L3MBTL4: variants seen among roughly 807,000 people sequenced by gnomAD.
L3MBTL4 encodes lethal(3)malignant brain tumor-like protein 4.
A neutral mutation model predicts 84.5 loss-of-function variants in L3MBTL4; 70 were observed. The ratio of observed to expected loss-of-function variants is 0.83; its 90% CI spans 0.68 to 1.01. L3MBTL4 has a LOEUF of 1.01. Ranked by LOEUF, L3MBTL4 falls within the 50% of genes least tolerant of loss-of-function variation. The pLI is 0.00. For synonymous variants in L3MBTL4, 274 were observed against 259.8 expected, an observed-to-expected ratio of 1.05 and a Z score of -0.52; for missense variants, 715 against 754.8, an observed-to-expected ratio of 0.95 and a Z score of 0.62.
intron 13 of L3MBTL4, among the ~76,000 whole-genome samples, chr18:6,153,700 AG>A (rs1334972001): frequency 3.3e-5 from 5 of 152,156 alleles, no homozygotes; most frequent in Admixed American, 1.3e-4. Context: ...TTGGATCATA[AG>A]GGTGGTTTTC....
At chr18:6,038,520 C>T (rs995275381) in intron 16 of L3MBTL4, among the ~76,000 whole-genome samples, 3 of 152,090 alleles carry the variant, frequency 2.0e-5, no homozygotes, top group Non-Finnish European at 2.9e-5. Context: ...TCCCAAAGTG[C>T]TGGGATTACA....
intron 17 of L3MBTL4, among the ~76,000 whole-genome samples, chr18:5,962,796 C>A (rs2095269974): frequency 6.6e-6 from 1 of 152,158 alleles, no homozygotes; most frequent in Admixed American, 6.5e-5. Flanking sequence ...CAAAGATGAG[C>A]GCAGGAAAAT....
chr18:6,252,341 C>A (rs1273389001), intron 5 of L3MBTL4, among the ~76,000 whole-genome samples: 1 of 152,160 alleles, frequency 6.6e-6, no homozygotes, highest in African/African-American at 2.4e-5. Context: ...AGACACATCA[C>A]TGCATCTGCC....
chr18:6,204,560 A>G (rs1163678641), intron 12 of L3MBTL4, among the ~76,000 whole-genome samples: 1 of 152,276 alleles, frequency 6.6e-6, no homozygotes, highest in East Asian at 1.9e-4. Flanking sequence ...ATAGATACAC[A>G]TTAAAACAAA....
intron 12 of L3MBTL4, among the ~76,000 whole-genome samples, chr18:6,211,929 G>A (rs1346367009): frequency 1.3e-5 from 2 of 152,186 alleles, no homozygotes; most frequent in Non-Finnish European, 2.9e-5. Context: ...GATTGCAGGC[G>A]TGAACCACTG....
At chr18:6,145,614 G>A (rs1179581103) in intron 13 of L3MBTL4, among the ~76,000 whole-genome samples, 1 of 150,636 alleles carries the variant, frequency 6.6e-6, no homozygotes, top group Non-Finnish European at 1.5e-5. Flanking sequence ...ATAGAGAAAT[G>A]ACATTAGCAT....
chr18:6,119,446 T>C lies in L3MBTL4; in HGVS notation c.1199+18748A>G, dbSNP rs186392944. Among the ~76,000 whole-genome samples the C allele has an allele frequency of 4.6e-5, 7 of 152,294 alleles. No individual in the cohort carries two copies. The South Asian group carries it at 6.2e-4, about 14-fold the overall frequency. On this transcript the variant is annotated intron_variant, in intron 14 of 18. Coordinates refer to ENST00000317931, the MANE Select transcript of L3MBTL4 (RefSeq NM_001330559.2). ...GTTTTTAATCCTTTTCAAAAAGTCT[T>C]TTTTAGTGTTTGTGAATTAGCAGCA... is the stretch of plus-strand genomic sequence containing the variant.
chr18:6,186,002 ATATTTTATTT>A (rs543531502), intron 12 of L3MBTL4, among the ~76,000 whole-genome samples: 5 of 134,226 alleles, frequency 3.7e-5, no homozygotes, highest in East Asian at 1.9e-4. Flanking sequence ...TTATTATTTT[ATATTTTATTT>A]TATTTTATTT....
intron 5 of L3MBTL4, among the ~76,000 whole-genome samples, chr18:6,257,417 C>T (rs2048190347): frequency 6.6e-6 from 1 of 151,130 alleles, no homozygotes; most frequent in African/African-American, 2.4e-5. Context: ...ATGAACTGAC[C>T]CAAAGGTCAG....
intron 16 of L3MBTL4, among the ~76,000 whole-genome samples, chr18:5,996,511 G>T (rs558846043): frequency 2.2e-4 from 34 of 152,156 alleles, no homozygotes; most frequent in Non-Finnish European, 4.4e-4. Context: ...CAGACGCCGG[G>T]ACCAGCATGC....
chr18:6,145,853 G>T (rs2042627516), intron 13 of L3MBTL4, among the ~76,000 whole-genome samples: 1 of 152,220 alleles, frequency 6.6e-6, no homozygotes, highest in Non-Finnish European at 1.5e-5. Flanking sequence ...TGCCCCGGGA[G>T]CTTACCTTCT....
chr18:5,976,352 A>G (rs2052931503), intron 16 of L3MBTL4, among the ~76,000 whole-genome samples: 1 of 152,226 alleles, frequency 6.6e-6, no homozygotes, highest in South Asian at 2.1e-4. Context: ...AAATACGGCC[A>G]GTAGAAACTT....
chr18:6,174,987 G>C (rs928775383), intron 12 of L3MBTL4, among the ~76,000 whole-genome samples: 1 of 151,868 alleles, frequency 6.6e-6, no homozygotes, highest in Non-Finnish European at 1.5e-5. Flanking sequence ...AATGGAGCAG[G>C]AATAGTGGTC....
At chr18:6,012,219 G>A (rs1713632171) in intron 16 of L3MBTL4, among the ~76,000 whole-genome samples, 1 of 152,080 alleles carries the variant, frequency 6.6e-6, no homozygotes, top group African/African-American at 2.4e-5. Flanking sequence ...AAACAATCAA[G>A]ATGAAGAATG....
chr18:5,958,941 A>G (rs932261734), intron 18 of L3MBTL4, among the ~76,000 whole-genome samples: 25 of 152,328 alleles, frequency 1.6e-4, no homozygotes, highest in African/African-American at 6.0e-4. Context: ...AGCCTTGATC[A>G]TCGCTACCTG....
chr18:5,963,890 T>A (rs1567920806), intron 17 of L3MBTL4, among the ~76,000 whole-genome samples: 2 of 152,218 alleles, frequency 1.3e-5, no homozygotes, highest in Non-Finnish European at 2.9e-5. Flanking sequence ...CAGAGGGGCA[T>A]GACCTCTGCA....
intron 1 of L3MBTL4, among the ~76,000 whole-genome samples, chr18:6,318,657 G>A (rs958736585): frequency 3.3e-5 from 5 of 151,798 alleles, no homozygotes; most frequent in Non-Finnish European, 5.9e-5. Flanking sequence ...TAAAAAATGA[G>A]ATAGAACAGC....
intron 16 of L3MBTL4, among the ~76,000 whole-genome samples, chr18:6,063,407 G>T (rs2057300319): frequency 6.6e-6 from 1 of 151,110 alleles, no homozygotes; most frequent in African/African-American, 2.4e-5. Context: ...GGATCAAATG[G>T]TAGTTCTACT....
chr18:6,030,928 A>G (rs1329358436), intron 16 of L3MBTL4: 2 of 985,166 alleles, frequency 2.0e-6, no homozygotes, highest in Non-Finnish European at 1.2e-6. Flanking sequence ...TATAAATACA[A>G]TAAGTTTATT....
Sources: gnomAD v4.1 joint callset for allele counts (sites outside exome capture counted in the v4.1 genomes callset) on GRCh38, gnomAD v4.1.1 for gene constraint, MANE v1.5 for transcripts, NCBI Gene and HGNC (gene_info 2026-07-23, HGNC 2026-07-21) for gene names.